DSCAM: variants seen among roughly 807,000 people sequenced by gnomAD.
The protein encoded by DSCAM is cell adhesion molecule DSCAM.
A neutral mutation model predicts 217.7 loss-of-function variants in DSCAM; 47 were observed. The observed-to-expected ratio is 0.22, with a 90% CI of 0.17 to 0.28. The LOEUF (loss-of-function observed/expected upper bound fraction) is 0.28. Ranked by LOEUF, DSCAM falls within the 10% of genes least tolerant of loss-of-function variation. DSCAM has a pLI of 1.00. For synonymous variants in DSCAM, 1,056 were observed against 1,015.3 expected, an observed-to-expected ratio of 1.04 and a Z score of -0.76; for missense variants, 2,080 against 2,618.3, an observed-to-expected ratio of 0.79 and a Z score of 4.49.
intron 16 of DSCAM, among the ~76,000 whole-genome samples, chr21:40,156,058 T>A (rs1278221543): frequency 1.7e-5 from 1 of 59,930 alleles, no homozygotes; most frequent in African/African-American, 7.0e-5. Flanking sequence ...CCACCCTATA[T>A]ATAATATAAT....
chr21:40,732,825 G>C (rs2091025957), intron 1 of DSCAM, among the ~76,000 whole-genome samples: 1 of 152,210 alleles, frequency 6.6e-6, no homozygotes, highest in Non-Finnish European at 1.5e-5. Flanking sequence ...CTTTGTGCGA[G>C]TCCTGGGCTT....
intron 3 of DSCAM, among the ~76,000 whole-genome samples, chr21:40,425,767 T>C (rs936831478): frequency 3.3e-5 from 5 of 151,408 alleles, no homozygotes; most frequent in Non-Finnish European, 5.9e-5. Flanking sequence ...CTAAAGAATA[T>C]ATTTACTTCC....
intron 3 of DSCAM, among the ~76,000 whole-genome samples, chr21:40,423,429 G>A (rs2075443596): frequency 6.6e-6 from 1 of 152,168 alleles, no homozygotes; most frequent in African/African-American, 2.4e-5. Context: ...ACCTCCCAAG[G>A]GGAAGGAGGG....
At chr21:40,627,924 T>C (rs1446171322) in intron 3 of DSCAM, among the ~76,000 whole-genome samples, 2 of 152,202 alleles carry the variant, frequency 1.3e-5, no homozygotes, top group Non-Finnish European at 1.5e-5. Flanking sequence ...TTGTCTTCTC[T>C]TCTACCCTGC....
chr21:40,292,007 A>C (rs1489755380), intron 10 of DSCAM, among the ~76,000 whole-genome samples: 1 of 152,140 alleles, frequency 6.6e-6, no homozygotes, highest in Non-Finnish European at 1.5e-5. Context: ...GAATGGCATT[A>C]AGCTGTGGAC....
intron 2 of DSCAM, among the ~76,000 whole-genome samples, chr21:40,703,242 A>C (rs949484015): frequency 4.6e-5 from 7 of 152,120 alleles, no homozygotes; most frequent in African/African-American, 1.7e-4. Flanking sequence ...TTATAAATTT[A>C]CTTCCACTCT....
At chr21:40,614,236 G>C (rs565662079) in intron 3 of DSCAM, among the ~76,000 whole-genome samples, 4 of 152,308 alleles carry the variant, frequency 2.6e-5, no homozygotes, top group South Asian at 2.1e-4. Flanking sequence ...ACCACCCTAA[G>C]GGTTTTTTAG....
At chr21:40,347,588 T>G (rs2074572535) in intron 6 of DSCAM, 82 bp downstream of exon 6, 5 of 1,575,752 alleles carry the variant, frequency 3.2e-6, no homozygotes, top group Non-Finnish European at 4.3e-6. Context: ...CGATCAGCAC[T>G]GCTTCACCCT....
rs575072957 is a variant in DSCAM at position 40,138,812 on chromosome 21, G to A, written c.3406+3746C>T. Among the ~76,000 whole-genome samples, 6 of 147,270 alleles carry A rather than the reference G, an allele frequency of 4.1e-5. No homozygotes were observed. The South Asian group carries it at 1.3e-3, about 33-fold the overall frequency. Reference sequence around the variant, plus strand: ...TGTGTATGTGTGGTATGTGTGGTGTGTGTACGTGTGGTGTGGTGTGTGGTG... The same window carrying A: ...TGTGTATGTGTGGTATGTGTGGTGTATGTACGTGTGGTGTGGTGTGTGGTG... On this transcript the variant is annotated intron_variant, in intron 18 of 32. Transcript: ENST00000400454.
chr21:40,158,051 A>T (rs2090498796), intron 16 of DSCAM, among the ~76,000 whole-genome samples: 1 of 152,216 alleles, frequency 6.6e-6, no homozygotes, highest in African/African-American at 2.4e-5. Context: ...AATTTTAGAC[A>T]TCAACATGCA....
chr21:40,596,608 C>A (rs1331290558), intron 3 of DSCAM, among the ~76,000 whole-genome samples: 1 of 152,122 alleles, frequency 6.6e-6, no homozygotes, highest in South Asian at 2.1e-4. Context: ...AAAACAAGAA[C>A]AACAGAACAC....
intron 1 of DSCAM, among the ~76,000 whole-genome samples, chr21:40,844,823 A>G (rs1386695210): frequency 6.6e-6 from 1 of 152,164 alleles, no homozygotes; most frequent in African/African-American, 2.4e-5. Flanking sequence ...AAAACTGTAA[A>G]TAAATACTGG....
rs79705713 is a variant in DSCAM at position 40,760,648 on chromosome 21, T to C, written c.44-51877A>G. On this transcript the variant is annotated intron_variant, in intron 1 of 32. Coordinates refer to ENST00000400454, the MANE Select transcript of DSCAM (RefSeq NM_001389.5). The stretch of plus-strand genomic sequence containing the variant: ...AGGAAGCCTCAGCAGCTGTGGCATT[T>C]TGCCACCCAGGTAGAGGAACCTTGC... Among the ~76,000 whole-genome samples, 1,122 of 152,358 alleles carry C rather than the reference T, an allele frequency of 7.4e-3. 14 individuals are homozygous for C. Among genetic ancestry groups the C allele is most frequent in the African/African-American group, 0.025 (1,056 of 41,586 alleles).
chr21:40,657,648 G>A (rs1313913362), intron 3 of DSCAM, among the ~76,000 whole-genome samples: 1 of 152,208 alleles, frequency 6.6e-6, no homozygotes, highest in East Asian at 1.9e-4. Context: ...CAGGCAGAAA[G>A]AAATCTTCCA....
intron 3 of DSCAM, among the ~76,000 whole-genome samples, chr21:40,490,099 C>T (rs62225505): frequency 0.083 from 12,614 of 152,144 alleles, 623 homozygotes; most frequent in Admixed American, 0.13. Context: ...CAAGAGAGTG[C>T]GTGTGCAGGG....
At chr21:40,270,231 C>G (rs1279010034) in intron 11 of DSCAM, among the ~76,000 whole-genome samples, 1 of 152,186 alleles carries the variant, frequency 6.6e-6, no homozygotes, top group Non-Finnish European at 1.5e-5. Context: ...TCTGCTTCTG[C>G]CTCCAGAAAT....
rs368527573 is a variant in DSCAM at position 40,474,368 on chromosome 21, A to T, written c.509-105123T>A. On this transcript the variant is annotated intron_variant, in intron 3 of 32. Transcript: ENST00000400454. The stretch of plus-strand genomic sequence containing the variant: ...GGCATATTCAGTACTGGAAAATTCC[A>T]GAAAATGGTCCAAGCACCCCTTGGC... Among the ~76,000 whole-genome samples the T allele has an allele frequency of 1.2e-4, 18 of 152,136 alleles. No homozygotes were observed. The East Asian group carries it at 1.7e-3, about 15-fold the overall frequency.
intron 3 of DSCAM, among the ~76,000 whole-genome samples, chr21:40,524,664 A>C (rs2076386118): frequency 6.6e-6 from 1 of 152,106 alleles, no homozygotes; most frequent in African/African-American, 2.4e-5. Context: ...CTCAGGGAAA[A>C]CTTTTTTTAA....
intron 4 of DSCAM, among the ~76,000 whole-genome samples, chr21:40,355,665 T>C (rs1377998565): frequency 6.6e-6 from 1 of 152,208 alleles, no homozygotes; most frequent in Non-Finnish European, 1.5e-5. Context: ...ACAGAAACGT[T>C]ATAGACTCCT....
Sources: gnomAD v4.1 joint callset for allele counts (sites outside exome capture counted in the v4.1 genomes callset) on GRCh38, gnomAD v4.1.1 for gene constraint, MANE v1.5 for transcripts, NCBI Gene and HGNC (gene_info 2026-07-23, HGNC 2026-07-21) for gene names.